The following KCNIP1 variants were observed in gnomAD, a reference collection of about 807,000 sequenced individuals.
The protein encoded by KCNIP1 is A-type potassium channel modulatory protein KCNIP1.
Under a neutral mutation model 33.0 loss-of-function variants are expected in KCNIP1, and 18 were observed. The observed-to-expected ratio is 0.55, with a 90% CI of 0.38 to 0.81. The LOEUF (loss-of-function observed/expected upper bound fraction) is 0.81, where lower values mean the gene tolerates loss of function less well. Ranked by LOEUF, KCNIP1 falls within the 30% of genes least tolerant of loss-of-function variation. The probability of loss-of-function intolerance (pLI) is 0.00; values close to 1 mark genes in which losing one functional copy is unlikely to be tolerated. For synonymous variants in KCNIP1, 93 were observed against 98.3 expected (o/e 0.95, Z 0.32); for missense variants, 238 against 271.6 (o/e 0.88, Z 0.87).
chr5:170,648,847 A>C (rs1010483005), intron 1 of KCNIP1, among the ~76,000 whole-genome samples: 1 of 152,162 alleles, frequency 6.6e-6, no homozygotes, highest in Non-Finnish European at 1.5e-5. Flanking sequence ...GAAGCTGTGC[A>C]TGTGCGGGAG....
chr5:170,709,018 A>T (rs947824967), intron 1 of KCNIP1, among the ~76,000 whole-genome samples: 18 of 152,262 alleles, frequency 1.2e-4, no homozygotes, highest in African/African-American at 4.1e-4. Context: ...AAAACAGTCT[A>T]TAACTTCAAT....
At chr5:170,411,705 G>A (rs760647234) in intron 1 of KCNIP1, among the ~76,000 whole-genome samples, 1 of 152,180 alleles carries the variant, frequency 6.6e-6, no homozygotes, top group Non-Finnish European at 1.5e-5. Context: ...TAGGTGCAGA[G>A]AGGGTTGCAG....
intron 1 of KCNIP1, among the ~76,000 whole-genome samples, chr5:170,401,718 C>T (rs963505412): frequency 4.0e-5 from 6 of 151,386 alleles, no homozygotes; most frequent in Admixed American, 6.6e-5. Flanking sequence ...GCCGTGATTT[C>T]GCCACTGCAC....
chr5:170,531,844 CT>C (rs1755801491), intron 1 of KCNIP1, among the ~76,000 whole-genome samples: 1 of 151,884 alleles, frequency 6.6e-6, no homozygotes, highest in Admixed American at 6.6e-5. Context: ...AAGTAGGCCC[CT>C]GAAGCAGTTG....
chr5:170,454,810 T>G, intron 1 of KCNIP1, among the ~76,000 whole-genome samples: 1 of 152,332 alleles, frequency 6.6e-6, no homozygotes, highest in South Asian at 2.1e-4. Context: ...GATTATCTAG[T>G]CTGTGTATTC....
intron 1 of KCNIP1, among the ~76,000 whole-genome samples, chr5:170,539,101 T>C (rs1294306758): frequency 1.3e-5 from 2 of 152,050 alleles, no homozygotes; most frequent in Non-Finnish European, 2.9e-5. Flanking sequence ...CATCACCTCC[T>C]GTTTTCTCAC....
chr5:170,412,342 C>T (rs1368339574), intron 1 of KCNIP1, among the ~76,000 whole-genome samples: 5 of 152,090 alleles, frequency 3.3e-5, no homozygotes, highest in South Asian at 2.1e-4. Flanking sequence ...AAGGAGGAAG[C>T]CTTGAATGTG....
intron 1 of KCNIP1, among the ~76,000 whole-genome samples, chr5:170,700,621 T>C (rs890398906): frequency 6.6e-6 from 1 of 152,198 alleles, no homozygotes; most frequent in African/African-American, 2.4e-5. Flanking sequence ...CTGATCCCTC[T>C]GTGAGGGCAG....
chr5:170,498,330 C>T (rs1757349690), intron 1 of KCNIP1, among the ~76,000 whole-genome samples: 1 of 152,182 alleles, frequency 6.6e-6, no homozygotes, highest in Non-Finnish European at 1.5e-5. Context: ...AATTGAGGGG[C>T]TCAAAGGTCA....
chr5:170,470,254 G>C (rs1244902259), intron 1 of KCNIP1, among the ~76,000 whole-genome samples: 1 of 152,032 alleles, frequency 6.6e-6, no homozygotes, highest in East Asian at 1.9e-4. Flanking sequence ...CCTTGCCCAG[G>C]AAACCTTTCC....
intron 1 of KCNIP1, among the ~76,000 whole-genome samples, chr5:170,661,319 T>G (rs2113748062): frequency 6.6e-6 from 1 of 152,340 alleles, no homozygotes; most frequent in Admixed American, 6.5e-5. Context: ...GCGTGTACAT[T>G]GACATGCATG....
At chr5:170,594,464 A>C (rs1758371902) in intron 1 of KCNIP1, among the ~76,000 whole-genome samples, 2 of 151,758 alleles carry the variant, frequency 1.3e-5, no homozygotes, top group African/African-American at 4.8e-5. Flanking sequence ...CAAGACAACT[A>C]CTCCCAGTGT....
At chr5:170,706,055 C>G (rs1763248028) in intron 1 of KCNIP1, among the ~76,000 whole-genome samples, 1 of 152,130 alleles carries the variant, frequency 6.6e-6, no homozygotes, top group African/African-American at 2.4e-5. Context: ...AAACTATTAC[C>G]ATGCTCTCTG....
intron 1 of KCNIP1, among the ~76,000 whole-genome samples, chr5:170,647,761 G>T (rs1167481617): frequency 1.3e-5 from 2 of 152,046 alleles, no homozygotes; most frequent in Non-Finnish European, 2.9e-5. Context: ...ATCTGTGAAA[G>T]AAATAATTGA....
At chr5:170,470,288 A>G (rs1351139776) in intron 1 of KCNIP1, among the ~76,000 whole-genome samples, 4 of 151,940 alleles carry the variant, frequency 2.6e-5, no homozygotes, top group Non-Finnish European at 4.4e-5. Flanking sequence ...TATGCCCCAC[A>G]TTAGCCACTC....
chr5:170,727,999 G>T (rs1219288680), intron 5 of KCNIP1, among the ~76,000 whole-genome samples: 1 of 152,130 alleles, frequency 6.6e-6, no homozygotes, highest in African/African-American at 2.4e-5. Flanking sequence ...TTTATTCCAG[G>T]AATGCAGGAA....
At chr5:170,670,001 G>T (rs1180380202) in intron 1 of KCNIP1, among the ~76,000 whole-genome samples, 2 of 152,224 alleles carry the variant, frequency 1.3e-5, no homozygotes, top group East Asian at 1.9e-4. Flanking sequence ...AGAGAAGAAT[G>T]CAGGGTTTGC....
intron 1 of KCNIP1, among the ~76,000 whole-genome samples, chr5:170,403,435 T>G (rs1282117885): frequency 6.6e-6 from 1 of 152,226 alleles, no homozygotes. Context: ...TCCTTTTGTG[T>G]GCTAGACTGT....
chr5:170,532,987 T>C (rs1456993399), intron 1 of KCNIP1, among the ~76,000 whole-genome samples: 1 of 152,234 alleles, frequency 6.6e-6, no homozygotes, highest in Non-Finnish European at 1.5e-5. Flanking sequence ...CCAGGAGTCC[T>C]TCAAAGCTCT....
Sources: gnomAD v4.1 joint callset for allele counts (sites outside exome capture counted in the v4.1 genomes callset) on GRCh38, gnomAD v4.1.1 for gene constraint, MANE v1.5 for transcripts, NCBI Gene and HGNC (gene_info 2026-07-23, HGNC 2026-07-21) for gene names.